ESYT1: variants seen among roughly 807,000 people sequenced by gnomAD.
ESYT1 encodes extended synaptotagmin-1.
In ESYT1, 116 loss-of-function variants were observed where a neutral mutation model predicts 154.2. The ratio of observed to expected loss-of-function variants is 0.75; its 90% confidence interval spans 0.65 to 0.88. The LOEUF (loss-of-function observed/expected upper bound fraction) is 0.88. Ranked by LOEUF, ESYT1 falls within the 40% of genes least tolerant of loss-of-function variation. The probability of loss-of-function intolerance (pLI) is 0.00; values close to 1 mark genes in which losing one functional copy is unlikely to be tolerated. For missense variants in ESYT1, 1,264 were observed against 1,379.3 expected (o/e 0.92, Z 1.32); for synonymous variants, 500 against 539.9 (o/e 0.93, Z 1.02).
chr12:56,141,602 T>C (rs1022022039), intron 24 of ESYT1, among the ~76,000 whole-genome samples: 2 of 152,108 alleles, frequency 1.3e-5, no homozygotes, highest in South Asian at 2.1e-4. Context: ...TAGCCGGGTG[T>C]GGTGGCGGAC....
In ESYT1 at chr12:56,142,170, AAAGGGAAATCTCACCAAACC is replaced by A; in HGVS notation, c.2593-113_2593-94del. On this transcript the variant is annotated intron_variant, in intron 24 of 30. Transcript: ENST00000394048. The surrounding 1 kb of genome is among the most constrained non-coding windows in gnomAD (Gnocchi z 4.1). ...TTACCATGGCTTCCCTGCCTTTCTC[AAAGGGAAATCTCACCAAACC>A]ACCTATGAGTCCAAGCGTTTGGACC... The A allele has an allele frequency of 8.0e-7, 1 of 1,252,822 alleles. No homozygotes were observed. Among genetic ancestry groups the A allele is most frequent in the Admixed American group, 2.2e-5 (1 of 45,852 alleles). The allele number at this position is 1,252,822 out of a possible 1,614,324, so 77.6% of individuals were successfully genotyped here. A position where few individuals can be genotyped will look rare whatever the true frequency, so the allele number is the denominator to read the frequency against.
At chr12:56,133,328 G>C (rs1380181515) in intron 10 of ESYT1, 89 bp from the exon 11 acceptor site, 1 of 1,392,676 alleles carries the variant, frequency 7.2e-7, no homozygotes, top group East Asian at 2.3e-5. Context: ...GTCATTTCTG[G>C]GTGGGTGAGT....
At chr12:56,135,987 G>A (rs1167475003) in intron 15 of ESYT1, among the ~76,000 whole-genome samples, 1 of 150,760 alleles carries the variant, frequency 6.6e-6, no homozygotes, top group Non-Finnish European at 1.5e-5. Context: ...TTTGAACCCG[G>A]GAGGTAGAAG....
At position 56,138,280 on chromosome 12, in the gene ESYT1, A is replaced by G. The variant is rs1220357333; in HGVS notation, c.2337+8A>G. On this transcript the variant is annotated splice_region_variant and intron_variant, in intron 21 of 30. Transcript: ENST00000394048. ...GCTGCTGAGTTAGAGGAGGTAGGGC[A>G]GGAGACTTGAGGAAGGAAGGGACCC... 6.2e-7 allele frequency: 1 copy of G among 1,614,168 alleles called. No homozygotes were observed. The highest frequency in any genetic ancestry group is 8.5e-7 in the Non-Finnish European group (1 of 1,179,994).
Position 56,137,227 on chromosome 12 carries a change from T to C in ESYT1, c.1792T>C (p.Leu598=), listed in dbSNP as rs114509267. The change falls in exon 17 of 31, where the codon TTG becomes CTG. Residue 598 remains leucine, a synonymous_variant. Transcript: ENST00000394048. ...YMKLVMRILY[L]DSSEICFPTV... is the part of the protein sequence containing the mutation. ...ATACTACCCTTCCTAGATCCTGTAC[T>C]TGGATTCATCAGAAATATGCTTCCC... is the stretch of plus-strand genomic sequence containing the variant. 2.8e-4 allele frequency: 452 copies of C among 1,614,172 alleles called. 1 individual carries two copies. In the African/African-American group the frequency reaches 5.6e-3, roughly 20 times the overall value.
chr12:56,134,810 G>C (rs893961115), intron 15 of ESYT1, among the ~76,000 whole-genome samples: 2 of 151,862 alleles, frequency 1.3e-5, no homozygotes, highest in Non-Finnish European at 2.9e-5. Flanking sequence ...TGCTGGCCAG[G>C]CTGGTCTCGA....
intron 15 of ESYT1, among the ~76,000 whole-genome samples, chr12:56,135,110 G>A (rs553590038): frequency 2.6e-5 from 4 of 151,578 alleles, no homozygotes; most frequent in East Asian, 4.0e-4. Flanking sequence ...GGCTGGGCAC[G>A]GTACCTAAAA....
chr12:56,140,974 G>A, intron 24 of ESYT1, among the ~76,000 whole-genome samples: 1 of 152,130 alleles, frequency 6.6e-6, no homozygotes, highest in East Asian at 1.9e-4. Flanking sequence ...TTTGGAATTT[G>A]AGATCTCTGC....
chr12:56,143,651 G>T (rs1451232423), intron 30 of ESYT1, 22 bp downstream of exon 30: 1 of 1,613,784 alleles, frequency 6.2e-7, no homozygotes, highest in Non-Finnish European at 8.5e-7. Context: ...CGTGGGTGGG[G>T]GATGGTCTGG....
chr12:56,137,382 A>C lies in ESYT1; in HGVS notation c.1938+9A>C, dbSNP rs756762435. 2 of 1,614,146 alleles carry C rather than the reference A, an allele frequency of 1.2e-6. No individual in the cohort carries two copies. The highest frequency in any genetic ancestry group is 2.2e-5 in the East Asian group (1 of 44,886). ...GCCAGTTTGGGACTGAGGTGAGTCT[A>C]TATCTGGAAAGGACTAGGGTCTGTT... On this transcript the variant is annotated intron_variant, in intron 17 of 30. Coordinates refer to ENST00000394048, the MANE Select transcript of ESYT1 (RefSeq NM_015292.3).
At position 56,128,500 on chromosome 12, in the gene ESYT1, C is replaced by G; in HGVS notation, c.181C>G (p.Arg61Gly). Residue 61 changes from arginine to glycine, a missense_variant, in exon 1 of 31, where the codon CGG becomes GGG. By Grantham distance (125) the Arg-to-Gly change is moderately radical (BLOSUM62 -2). Coordinates refer to ENST00000394048, the MANE Select transcript of ESYT1 (RefSeq NM_015292.3). ...GGCGGTGCTGACTTCATTCGGGAGGCGGTTGCTGGTGCTGATACCTGTGTA... is the reference window on the plus strand; with the variant it reads ...GGCGGTGCTGACTTCATTCGGGAGGGGGTTGCTGGTGCTGATACCTGTGTA... Reference protein sequence around the residue: ...ALAVLTSFGRRLLVLIPVYLA... With the variant: ...ALAVLTSFGRGLLVLIPVYLA... 6.2e-7 allele frequency: 1 copy of G among 1,611,436 alleles called. No individual in the cohort carries two copies.
chr12:56,131,874 A>G, intron 7 of ESYT1, 70 bp downstream of exon 7: 1 of 1,479,108 alleles, frequency 6.8e-7, no homozygotes, highest in East Asian at 2.3e-5. Flanking sequence ...GACACAGAGC[A>G]GTCAAAGATG....
chr12:56,129,501 G>T (rs1202075446), intron 1 of ESYT1: 1 of 152,474 alleles, frequency 6.6e-6, no homozygotes, highest in African/African-American at 2.4e-5. Context: ...CCGGTTACCC[G>T]GCCCCTCCCA....
intron 1 of ESYT1, chr12:56,128,953 C>G (rs1870117608): frequency 5.5e-6 from 3 of 546,148 alleles, no homozygotes; most frequent in Non-Finnish European, 6.5e-6. Flanking sequence ...GGACTTCTTC[C>G]TCTACTTGGG....
At chr12:56,132,923 A>G (rs1396260502) in intron 10 of ESYT1, 122 bp downstream of exon 10, 2 of 785,904 alleles carry the variant, frequency 2.5e-6, no homozygotes, top group African/African-American at 3.4e-5. Flanking sequence ...GATTGAGACC[A>G]TCCTGGCTAA....
chr12:56,132,869 C>T, intron 10 of ESYT1, 68 bp downstream of exon 10: 1 of 1,423,572 alleles, frequency 7.0e-7, no homozygotes, highest in Admixed American at 1.7e-5. Context: ...GCCTGTAATC[C>T]CAGCACTTTG....
chr12:56,134,226 G>A (rs367719135), intron 14 of ESYT1, 45 bp downstream of exon 14: 224 of 1,606,052 alleles, frequency 1.4e-4, no homozygotes, highest in Non-Finnish European at 1.9e-4. Flanking sequence ...AGGACAGGGA[G>A]AGGCCTATTC....
chr12:56,139,061 C>A, intron 24 of ESYT1, 48 bp downstream of exon 24: 1 of 1,455,090 alleles, frequency 6.9e-7, no homozygotes, highest in Non-Finnish European at 9.7e-7. Flanking sequence ...CTGCCATGGC[C>A]AGGCAGGAAA....
At chr12:56,135,002 C>T (rs1212754365) in intron 15 of ESYT1, among the ~76,000 whole-genome samples, 1 of 152,088 alleles carries the variant, frequency 6.6e-6, no homozygotes, top group Non-Finnish European at 1.5e-5. Flanking sequence ...TTCGTGCTTT[C>T]TCCATGACCT....
Sources: gnomAD v4.1 joint callset for allele counts (sites outside exome capture counted in the v4.1 genomes callset) on GRCh38, gnomAD v4.1.1 for gene constraint, Gnocchi (gnomAD v3.1) non-coding constraint, MANE v1.5 for transcripts, NCBI Gene and HGNC (gene_info 2026-07-23, HGNC 2026-07-21) for gene names.